Variants in RAPGEF5 observed in about 807,000 individuals in gnomAD.
RAPGEF5 encodes the protein Rap guanine nucleotide exchange factor 5, also known as M-Ras-regulated GEF.
A neutral mutation model predicts 125.2 loss-of-function variants in RAPGEF5; 65 were observed. The observed-to-expected ratio is 0.52, with a 90% confidence interval of 0.43 to 0.64. The LOEUF is 0.64. Ranked by LOEUF, RAPGEF5 falls within the 30% of genes least tolerant of loss-of-function variation. The pLI, the probability that RAPGEF5 is intolerant of heterozygous loss-of-function variation, is 0.00. For synonymous variants in RAPGEF5, 391 were observed against 385.9 expected (o/e 1.01, Z -0.16); for missense variants, 958 against 1,048.1 (o/e 0.91, Z 1.19).
intron 2 of RAPGEF5, among the ~76,000 whole-genome samples, chr7:22,316,180 CCTT>C (rs1783585262): frequency 6.6e-6 from 1 of 151,876 alleles, no homozygotes; most frequent in Non-Finnish European, 1.5e-5. Context: ...AATACTACCT[CCTT>C]CTCTATAACC....
intron 5 of RAPGEF5, among the ~76,000 whole-genome samples, chr7:22,299,171 A>T (rs1783138070): frequency 6.6e-6 from 1 of 151,834 alleles, no homozygotes; most frequent in South Asian, 2.1e-4. Flanking sequence ...CTGATCATTG[A>T]TCTAAGACAT....
At chr7:22,320,811 A>C (rs1257992326) in intron 1 of RAPGEF5, among the ~76,000 whole-genome samples, 1 of 152,172 alleles carries the variant, frequency 6.6e-6, no homozygotes. Flanking sequence ...TAATTTAGAA[A>C]ACCCATTTGC....
intron 4 of RAPGEF5, 70 bp downstream of exon 4, chr7:22,309,899 A>C: frequency 6.9e-7 from 1 of 1,455,976 alleles, no homozygotes; most frequent in South Asian, 1.4e-5. Context: ...ATCCTCTAGA[A>C]AATCAAGTGT....
intron 11 of RAPGEF5, among the ~76,000 whole-genome samples, chr7:22,170,382 G>A (rs2128116777): frequency 6.6e-6 from 1 of 152,276 alleles, no homozygotes; most frequent in South Asian, 2.1e-4. Context: ...TCTAGTTTAG[G>A]GTTTTCAATG....
chr7:22,184,549 G>A (rs17146362), intron 11 of RAPGEF5, among the ~76,000 whole-genome samples: 15,444 of 152,212 alleles, frequency 0.1, 1,067 homozygotes, highest in East Asian at 0.27. Flanking sequence ...TTCCCTGAAA[G>A]GTATGCTATA....
intron 7 of RAPGEF5, among the ~76,000 whole-genome samples, chr7:22,261,518 A>G (rs1303381683): frequency 1.3e-5 from 2 of 152,168 alleles, no homozygotes; most frequent in Non-Finnish European, 2.9e-5. Flanking sequence ...AAGCTGAAGT[A>G]GGAAGACTGC....
intron 6 of RAPGEF5, among the ~76,000 whole-genome samples, chr7:22,271,491 G>A (rs1260118740): frequency 6.6e-6 from 1 of 152,106 alleles, no homozygotes; most frequent in Non-Finnish European, 1.5e-5. Flanking sequence ...ACTTACTATA[G>A]TAGCAGTTCG....
intron 1 of RAPGEF5, among the ~76,000 whole-genome samples, chr7:22,348,495 G>A (rs1291164947): frequency 3.9e-5 from 6 of 152,110 alleles, no homozygotes; most frequent in African/African-American, 1.4e-4. Context: ...TTTCATACAG[G>A]CCAGAAAAGG....
At chr7:22,194,090 A>C in intron 9 of RAPGEF5, 57 bp from the exon 10 acceptor site, 2 of 1,446,446 alleles carry the variant, frequency 1.4e-6, no homozygotes, top group Non-Finnish European at 1.9e-6. Flanking sequence ...AGAAAATTAA[A>C]AGTGGGGGGA....
intron 5 of RAPGEF5, among the ~76,000 whole-genome samples, chr7:22,302,611 C>T (rs779760947): frequency 7.9e-5 from 12 of 152,124 alleles, no homozygotes; most frequent in African/African-American, 1.4e-4. Flanking sequence ...AAGGTCAAGG[C>T]GCCCAGACCA....
chr7:22,308,867 T>C (rs1783406374), intron 4 of RAPGEF5, among the ~76,000 whole-genome samples: 1 of 152,160 alleles, frequency 6.6e-6, no homozygotes, highest in South Asian at 2.1e-4. Flanking sequence ...AAATACAACA[T>C]AATGGCAAGT....
At chr7:22,124,333 C>G (rs1020192259) in intron 25 of RAPGEF5, among the ~76,000 whole-genome samples, 3 of 152,176 alleles carry the variant, frequency 2.0e-5, no homozygotes, top group African/African-American at 4.8e-5. Flanking sequence ...TTCAGTGAAT[C>G]TCTGTGATGA....
Position 22,211,932 on chromosome 7 carries a change from A to G in RAPGEF5, c.996+7934T>C, listed in dbSNP as rs575155862. 2.8e-5 allele frequency among the ~76,000 whole-genome samples: 4 copies of G among 144,948 alleles called. No homozygotes were observed. The South Asian group carries it at 8.9e-4, about 32-fold the overall frequency. On this transcript the variant is annotated intron_variant, in intron 9 of 25. Coordinates refer to ENST00000665637, the MANE Select transcript of RAPGEF5 (RefSeq NM_012294.5). ...TTTCTAAAGCTGCTCTCTTCTCCAC[A>G]TCAGGCCCCTTGTGTTATCACATGT...
At chr7:22,169,448 T>C (rs959066557) in intron 11 of RAPGEF5, among the ~76,000 whole-genome samples, 3 of 152,292 alleles carry the variant, frequency 2.0e-5, no homozygotes, top group Non-Finnish European at 4.4e-5. Context: ...GGAAATACAA[T>C]TTGAAAACTA....
chr7:22,189,566 C>G (rs540370120), intron 11 of RAPGEF5, among the ~76,000 whole-genome samples: 1 of 152,094 alleles, frequency 6.6e-6, no homozygotes, highest in Non-Finnish European at 1.5e-5. Flanking sequence ...AAACCTCATG[C>G]CCAGTGATGT....
At chr7:22,208,072 C>A (rs1452718941) in intron 9 of RAPGEF5, among the ~76,000 whole-genome samples, 1 of 152,134 alleles carries the variant, frequency 6.6e-6, no homozygotes, top group Non-Finnish European at 1.5e-5. Context: ...TGGGTTTTCA[C>A]ATGCTTCTGT....
intron 5 of RAPGEF5, among the ~76,000 whole-genome samples, chr7:22,292,207 T>C (rs1782951529): frequency 6.6e-6 from 1 of 152,184 alleles, no homozygotes; most frequent in Admixed American, 6.5e-5. Context: ...GCCAGCCTTA[T>C]GGGGCAGGAG....
At chr7:22,229,843 A>G (rs910475779) in intron 8 of RAPGEF5, among the ~76,000 whole-genome samples, 1 of 152,196 alleles carries the variant, frequency 6.6e-6, no homozygotes, top group East Asian at 1.9e-4. Flanking sequence ...AACTTAATTC[A>G]ACTTTCAAAC....
At position 22,232,544 on chromosome 7, in the gene RAPGEF5, T is replaced by G. The variant is rs112458607; in HGVS notation, c.797-1625A>C. Among the ~76,000 whole-genome samples the G allele has an allele frequency of 4.9e-3, 741 of 152,290 alleles. 10 individuals are homozygous for G. The highest frequency in any genetic ancestry group is 0.026 in the South Asian group (127 of 4,824). ...CATGTTGGCCAGGCTGGTCTCAAACTCCTGACCTCAAGTGATTTGCCTGCC... is the reference window on the plus strand; with the variant it reads ...CATGTTGGCCAGGCTGGTCTCAAACGCCTGACCTCAAGTGATTTGCCTGCC... On this transcript the variant is annotated intron_variant, in intron 7 of 25. Transcript: ENST00000665637.
Sources: allele counts gnomAD v4.1 joint callset (sites outside exome capture counted in the v4.1 genomes callset), GRCh38; gene constraint gnomAD v4.1.1; transcripts MANE v1.5; gene names NCBI Gene and HGNC (gene_info 2026-07-23, HGNC 2026-07-21).